CDC14B: variants seen among roughly 807,000 people sequenced by gnomAD.
CDC14B encodes the protein cell division cycle 14B, also known as dual specificity protein phosphatase CDC14B.
A neutral mutation model predicts 64.2 loss-of-function variants in CDC14B; 22 were observed. The observed-to-expected ratio is 0.34, with a 90% confidence interval of 0.24 to 0.49. The LOEUF (loss-of-function observed/expected upper bound fraction) is 0.49. CDC14B is among the 20% of genes least tolerant of loss of function. The pLI, the probability that CDC14B is intolerant of heterozygous loss-of-function variation, is 0.99. For synonymous variants in CDC14B, 191 were observed against 215.8 expected (o/e 0.89, Z 1.01); for missense variants, 498 against 629.9 (o/e 0.79, Z 2.24).
chr9:96,572,926 C>T (rs1372082559), intron 1 of CDC14B, among the ~76,000 whole-genome samples: 1 of 152,160 alleles, frequency 6.6e-6, no homozygotes, highest in Non-Finnish European at 1.5e-5. Context: ...GAAGTGCTAG[C>T]TGATATCAAG....
At chr9:96,507,889 C>T (rs1399921443) in intron 13 of CDC14B, among the ~76,000 whole-genome samples, 1 of 152,080 alleles carries the variant, frequency 6.6e-6, no homozygotes, top group East Asian at 1.9e-4. Flanking sequence ...TATTTCTATG[C>T]ATATATAGAA....
chr9:96,538,687 C>A (rs1224372907), intron 7 of CDC14B: 1 of 180,226 alleles, frequency 5.5e-6, no homozygotes, highest in Non-Finnish European at 1.1e-5. Context: ...TATACCACTG[C>A]ACTTCAGCCT....
At chr9:96,618,777 G>A (rs1192331526) in intron 1 of CDC14B, 1 of 355,168 alleles carries the variant, frequency 2.8e-6, no homozygotes, top group African/African-American at 2.2e-5. Context: ...TCCCGTGCCA[G>A]GCGCGTTCAG....
intron 1 of CDC14B, among the ~76,000 whole-genome samples, chr9:96,606,262 G>A (rs1846910306): frequency 6.8e-6 from 1 of 146,610 alleles, no homozygotes; most frequent in Non-Finnish European, 1.5e-5. Context: ...GAACCCAGGA[G>A]GCAGAGGCTG....
At chr9:96,537,370 T>C (rs1839423377) in intron 7 of CDC14B, among the ~76,000 whole-genome samples, 2 of 152,218 alleles carry the variant, frequency 1.3e-5, no homozygotes, top group African/African-American at 4.8e-5. Context: ...TTGATGGGGC[T>C]GACCCTATGC....
intron 9 of CDC14B, among the ~76,000 whole-genome samples, chr9:96,533,637 T>C (rs555568099): frequency 9.2e-5 from 14 of 152,334 alleles, no homozygotes; most frequent in Admixed American, 1.3e-4. Flanking sequence ...TAGTTTCCAT[T>C]AAGACAGGCT....
intron 6 of CDC14B, among the ~76,000 whole-genome samples, chr9:96,541,066 T>C (rs189668795): frequency 6.6e-6 from 1 of 152,366 alleles, no homozygotes; most frequent in East Asian, 1.9e-4. Context: ...CCTGGGTTCC[T>C]TTTGGCTCTA....
chr9:96,556,330 CTTGA>C (rs951088536), intron 4 of CDC14B, among the ~76,000 whole-genome samples: 9 of 151,620 alleles, frequency 5.9e-5, no homozygotes, highest in African/African-American at 2.4e-5. Context: ...ACGCCAAGAA[CTTGA>C]TTGATTATTA....
At chr9:96,495,034 C>CTAA in intron 13 of CDC14B, among the ~76,000 whole-genome samples, 1 of 151,784 alleles carries the variant, frequency 6.6e-6, no homozygotes, top group Non-Finnish European at 1.5e-5. Context: ...CGGGGTTTCA[C>CTAA]CGTGTTAGCC....
chr9:96,594,714 C>CAAAA (rs11414625), intron 1 of CDC14B, among the ~76,000 whole-genome samples: 7 of 42,420 alleles, frequency 1.7e-4, no homozygotes, highest in Non-Finnish European at 2.2e-4. Flanking sequence ...AAGGCTGTCT[C>CAAAA]AAAAAAAAAA....
intron 9 of CDC14B, 121 bp from the exon 10 acceptor site, chr9:96,523,846 A>G: frequency 5.1e-6 from 5 of 972,452 alleles, no homozygotes; most frequent in Non-Finnish European, 7.7e-6. Context: ...AGTGGTTCTC[A>G]AGGCTGGTTA....
chr9:96,515,571 G>A lies in CDC14B; in HGVS notation c.1344-5782C>T. 1.5e-6 allele frequency: 2 copies of A among 1,350,470 alleles called. No individual in the cohort carries two copies. The highest frequency in any genetic ancestry group is 2.7e-5 in the East Asian group (1 of 37,612). The allele number at this position is 1,350,470 out of a possible 1,614,324, so 83.7% of individuals were successfully genotyped here. A position where few individuals can be genotyped will look rare whatever the true frequency, so the allele number is the denominator to read the frequency against. On this transcript the variant is annotated intron_variant, in intron 12 of 13. Transcript: ENST00000375241. This position sits in a 1 kb window ranked among gnomAD's most constrained non-coding sequence, Gnocchi z 4.3. ...AACCAACAAAGCTAGGAGCTGACAA[G>A]GAGAAAAACATGCATTGTGGGAACC...
chr9:96,614,604 T>C (rs1847512432), intron 1 of CDC14B, among the ~76,000 whole-genome samples: 2 of 152,172 alleles, frequency 1.3e-5, no homozygotes, highest in Non-Finnish European at 1.5e-5. Flanking sequence ...AATTTTTTTT[T>C]CCTGAGGAAA....
In CDC14B at chr9:96,604,731, C is replaced by T. The variant is rs540305158; in HGVS notation, c.160+14488G>A. On this transcript the variant is annotated intron_variant, in intron 1 of 13. Coordinates refer to ENST00000375241, the MANE Select transcript of CDC14B (RefSeq NM_033331.4). Reference sequence around the variant, plus strand: ...TCCCCCAGGCTGGAGTGTAGTGGCACGATCTTGGCTCACTGCAACTTCAGC... The same window carrying T: ...TCCCCCAGGCTGGAGTGTAGTGGCATGATCTTGGCTCACTGCAACTTCAGC... Among the ~76,000 whole-genome samples the T allele has an allele frequency of 6.6e-5, 10 of 151,596 alleles. No individual in the cohort carries two copies. In the East Asian group the frequency reaches 1.8e-3, roughly 27 times the overall value.
intron 13 of CDC14B, among the ~76,000 whole-genome samples, chr9:96,505,964 T>C (rs1452764883): frequency 6.6e-6 from 1 of 152,226 alleles, no homozygotes; most frequent in African/African-American, 2.4e-5. Flanking sequence ...TTGACGTTTT[T>C]GAAAAAGTTC....
chr9:96,588,435 T>C (rs1290010896), intron 1 of CDC14B, among the ~76,000 whole-genome samples: 2 of 152,220 alleles, frequency 1.3e-5, no homozygotes, highest in Non-Finnish European at 2.9e-5. Flanking sequence ...CAAATTGACA[T>C]TAAAATTTTG....
chr9:96,605,277 T>C (rs1446351308), intron 1 of CDC14B, among the ~76,000 whole-genome samples: 1 of 152,178 alleles, frequency 6.6e-6, no homozygotes, highest in Non-Finnish European at 1.5e-5. Context: ...CAATTTCCAA[T>C]TGTACCACTA....
At chr9:96,585,345 T>C (rs1845399504) in intron 1 of CDC14B, among the ~76,000 whole-genome samples, 2 of 152,018 alleles carry the variant, frequency 1.3e-5, no homozygotes, top group Non-Finnish European at 2.9e-5. Context: ...TTTGTCCTAA[T>C]GCTTTCCCTC....
At chr9:96,531,029 T>C (rs1838389568) in intron 9 of CDC14B, among the ~76,000 whole-genome samples, 1 of 152,220 alleles carries the variant, frequency 6.6e-6, no homozygotes, top group Non-Finnish European at 1.5e-5. Context: ...TCCTTTTAAA[T>C]ATGCTGCTGA....
Sources: gnomAD v4.1 joint callset for allele counts (sites outside exome capture counted in the v4.1 genomes callset) on GRCh38, gnomAD v4.1.1 for gene constraint, Gnocchi (gnomAD v3.1) non-coding constraint, MANE v1.5 for transcripts, NCBI Gene and HGNC (gene_info 2026-07-23, HGNC 2026-07-21) for gene names.